IGLON5: variants seen among roughly 807,000 people sequenced by gnomAD.
IGLON5 encodes Ig-like domain-containing protein ENSP00000270642.
Under a neutral mutation model 38.2 loss-of-function variants are expected in IGLON5, and 16 were observed. The observed-to-expected ratio is 0.42, with a 90% CI of 0.28 to 0.64. IGLON5 has a LOEUF of 0.64. Among genes scored for constraint, IGLON5 ranks in the 30% least tolerant of loss-of-function variants. The pLI is 0.23. For missense variants in IGLON5, 366 were observed against 483.4 expected (o/e 0.76, Z 2.28); for synonymous variants, 207 against 216.4 (o/e 0.96, Z 0.38).
chr19:51,317,861 G>A lies in IGLON5; in HGVS notation c.80-4203G>A, dbSNP rs80254945. On this transcript the variant is annotated intron_variant, in intron 1 of 7. Coordinates refer to ENST00000270642, the MANE Select transcript of IGLON5 (RefSeq NM_001101372.3). ...TTCACCTTGTACAGTTGGAGAAACT[G>A]AAGCTCACACTGGCCAGGAGTGGGG... is the stretch of plus-strand genomic sequence containing the variant. Among the ~76,000 whole-genome samples the A allele has an allele frequency of 4.4e-3, 663 of 152,338 alleles. 5 individuals carry two copies. Among genetic ancestry groups the A allele is most frequent in the African/African-American group, 0.015 (610 of 41,572 alleles).
At position 51,329,172 on chromosome 19, in the gene IGLON5, C is replaced by G. The variant is rs1448304075; in HGVS notation, c.*413C>G. 6.2e-6 allele frequency: 1 copy of G among 160,560 alleles called. No individual in the cohort carries two copies. Among genetic ancestry groups the G allele is most frequent in the Non-Finnish European group, 1.4e-5 (1 of 73,430 alleles). The allele number at this position is 160,560 out of a possible 1,614,324, so 9.9% of individuals were successfully genotyped here. The stretch of plus-strand genomic sequence containing the variant: ...GGGGGAAGGGACTCAGCCGTCCTCC[C>G]GCCCCCAAAACCCCCATGTCCACTG... On this transcript the variant is annotated 3_prime_UTR_variant, in exon 8 of 8. Coordinates refer to ENST00000270642, the MANE Select transcript of IGLON5 (RefSeq NM_001101372.3). The surrounding 1 kb of genome is among the most constrained non-coding windows in gnomAD (Gnocchi z 4.3).
At chr19:51,320,913 A>G (rs889444858) in intron 1 of IGLON5, among the ~76,000 whole-genome samples, 5 of 152,108 alleles carry the variant, frequency 3.3e-5, no homozygotes, top group South Asian at 2.1e-4. Context: ...TCACGTATAT[A>G]TGTGTGTTTC....
intron 1 of IGLON5, among the ~76,000 whole-genome samples, chr19:51,317,995 T>C (rs1984963372): frequency 6.6e-6 from 1 of 152,112 alleles, no homozygotes; most frequent in Admixed American, 6.5e-5. Flanking sequence ...CCACAAACAC[T>C]TCCCAGTTCT....
Position 51,327,625 on chromosome 19 carries a change from G to T in IGLON5, c.768-107G>T. ...TAGAACCCGAGGCGATGGGTCACTGGGGTAGGGGGCAGAATGCTGGGTCAC... is the reference window on the plus strand; with the variant it reads ...TAGAACCCGAGGCGATGGGTCACTGTGGTAGGGGGCAGAATGCTGGGTCAC... On this transcript the variant is annotated intron_variant, in intron 6 of 7. Coordinates refer to ENST00000270642, the MANE Select transcript of IGLON5 (RefSeq NM_001101372.3). This position sits in a 1 kb window ranked among gnomAD's most constrained non-coding sequence, Gnocchi z 7.1. 2.0e-6 allele frequency: 3 copies of T among 1,471,724 alleles called. No homozygotes were observed. Among genetic ancestry groups the T allele is most frequent in the Non-Finnish European group, 2.7e-6 (3 of 1,102,148 alleles). The allele number at this position is 1,471,724 out of a possible 1,614,324, so 91.2% of individuals were successfully genotyped here.
At chr19:51,317,497 C>G (rs1333801331) in intron 1 of IGLON5, among the ~76,000 whole-genome samples, 1 of 152,196 alleles carries the variant, frequency 6.6e-6, no homozygotes, top group Non-Finnish European at 1.5e-5. Flanking sequence ...TTGAACCCAG[C>G]TGCCTGGCAG....
chr19:51,315,033 C>A (rs933554941), intron 1 of IGLON5, among the ~76,000 whole-genome samples: 6 of 152,296 alleles, frequency 3.9e-5, no homozygotes, highest in African/African-American at 1.4e-4. Flanking sequence ...TCTCTGCAAT[C>A]GGCCTTTTCC....
Position 51,325,449 on chromosome 19 carries a change from C to G in IGLON5, c.495C>G (p.Thr165=), listed in dbSNP as rs1350464957. Residue 165 remains threonine (T), a synonymous_variant, in exon 4 of 8, where the codon ACC becomes ACG. Transcript: ENST00000270642. The surrounding 1 kb of genome is among the most constrained non-coding windows in gnomAD (Gnocchi z 5.5). ...TGGGGCGGCCAGAGCCCACGGTCAC[C>G]TGGAGACAGCTCCGAGGTGAGGACC... ...LAVGRPEPTV[T]WRQLRDGFTS... The G allele has an allele frequency of 6.2e-7, 1 of 1,613,146 alleles. No individual in the cohort carries two copies. Among genetic ancestry groups the G allele is most frequent in the South Asian group, 1.1e-5 (1 of 90,974 alleles).
intron 2 of IGLON5, 98 bp from the exon 3 acceptor site, chr19:51,323,563 TG>T: frequency 2.1e-6 from 2 of 945,614 alleles, no homozygotes; most frequent in Non-Finnish European, 3.2e-6. Flanking sequence ...TGGTGGGACC[TG>T]GAGATGCGGT....
chr19:51,326,219 C>T, intron 4 of IGLON5, among the ~76,000 whole-genome samples: 1 of 152,002 alleles, frequency 6.6e-6, no homozygotes, highest in East Asian at 1.9e-4. Context: ...CATCTGAGCC[C>T]CATGAGCCTG....
At chr19:51,319,882 G>A (rs1476178700) in intron 1 of IGLON5, among the ~76,000 whole-genome samples, 1 of 152,028 alleles carries the variant, frequency 6.6e-6, no homozygotes, top group East Asian at 1.9e-4. Flanking sequence ...GATTGTATGT[G>A]TTTGTGTGTG....
rs1345516679 is a variant in IGLON5, at chr19:51,329,560, A to G, written c.*801A>G. The G allele has an allele frequency of 2.6e-5, 4 of 152,266 alleles. No homozygotes were observed. The highest frequency in any genetic ancestry group is 4.4e-5 in the Non-Finnish European group (3 of 68,108). The allele number at this position is 152,266 out of a possible 1,614,324, so 9.4% of individuals were successfully genotyped here. On this transcript the variant is annotated 3_prime_UTR_variant, in exon 8 of 8. Transcript: ENST00000270642. This position sits in a 1 kb window ranked among gnomAD's most constrained non-coding sequence, Gnocchi z 4.3. The stretch of plus-strand genomic sequence containing the variant: ...GATTTTCTGGCCCCCTCCTGGGCCA[A>G]TCGGTGCTTCCATCCAACTGTCAGA...
intron 1 of IGLON5, among the ~76,000 whole-genome samples, chr19:51,313,647 TTTTCTTTC>T (rs1555750477): frequency 0.012 from 1,391 of 116,240 alleles, 17 homozygotes; most frequent in Middle Eastern, 0.036. Flanking sequence ...CTCTCTCTCT[TTTTCTTTC>T]TTTCTTTCTT....
chr19:51,329,815 T>G lies in IGLON5; in HGVS notation c.*1056T>G, dbSNP rs200629328. The G allele has an allele frequency of 7.2e-6, 1 of 138,218 alleles. No individual in the cohort carries two copies. The highest frequency in any genetic ancestry group is 2.2e-4 in the South Asian group (1 of 4,474). The allele number at this position is 138,218 out of a possible 1,614,324, so 8.6% of individuals were successfully genotyped here. On this transcript the variant is annotated 3_prime_UTR_variant, in exon 8 of 8. Coordinates refer to ENST00000270642, the MANE Select transcript of IGLON5 (RefSeq NM_001101372.3). This position sits in a 1 kb window ranked among gnomAD's most constrained non-coding sequence, Gnocchi z 4.3. ...GACACTCAGACGCACCACACACACA[T>G]ACACACACACAGACACACACACACA... is the stretch of plus-strand genomic sequence containing the variant.
intron 1 of IGLON5, among the ~76,000 whole-genome samples, chr19:51,319,102 C>A (rs922710043): frequency 6.6e-6 from 1 of 152,146 alleles, no homozygotes; most frequent in East Asian, 1.9e-4. Flanking sequence ...GTTTAGGAAC[C>A]CTGGCCCAGA....
In IGLON5 at chr19:51,330,430, C is replaced by G. The variant is rs1043540520; in HGVS notation, c.*1671C>G. 4 of 152,212 alleles carry G rather than the reference C, an allele frequency of 2.6e-5. No homozygotes were observed. The highest frequency in any genetic ancestry group is 4.4e-5 in the Non-Finnish European group (3 of 68,046). 9.4% of individuals were successfully genotyped at this position (152,212 alleles called of 1,614,324 possible). A position where few individuals can be genotyped will look rare whatever the true frequency, so the allele number is the denominator to read the frequency against. On this transcript the variant is annotated 3_prime_UTR_variant, in exon 8 of 8. Transcript: ENST00000270642. The stretch of plus-strand genomic sequence containing the variant: ...AAGGGTAGCAGTCAATTGGTGGTGC[C>G]TCTCCAGCATCATTCCTACCGCCTA...
At position 51,327,619 on chromosome 19, in the gene IGLON5, T is replaced by A. The variant is rs912462323; in HGVS notation, c.768-113T>A. Reference sequence around the variant, plus strand: ...AGGTGCTAGAACCCGAGGCGATGGGTCACTGGGGTAGGGGGCAGAATGCTG... The same window carrying A: ...AGGTGCTAGAACCCGAGGCGATGGGACACTGGGGTAGGGGGCAGAATGCTG... On this transcript the variant is annotated intron_variant, in intron 6 of 7. Coordinates refer to ENST00000270642, the MANE Select transcript of IGLON5 (RefSeq NM_001101372.3). The surrounding 1 kb of genome is among the most constrained non-coding windows in gnomAD (Gnocchi z 7.1). 1.5e-5 allele frequency: 22 copies of A among 1,433,178 alleles called. No individual in the cohort carries two copies. Among genetic ancestry groups the A allele is most frequent in the East Asian group, 7.5e-5 (3 of 39,998 alleles). 88.8% of individuals were successfully genotyped at this position (1,433,178 alleles called of 1,614,324 possible). A position where few individuals can be genotyped will look rare whatever the true frequency, so the allele number is the denominator to read the frequency against.
chr19:51,311,844 C>G lies in IGLON5; in HGVS notation c.-4C>G. 2 of 1,254,606 alleles carry G rather than the reference C, an allele frequency of 1.6e-6. No homozygotes were observed. The highest frequency in any genetic ancestry group is 2.0e-6 in the Non-Finnish European group (2 of 993,462). 77.7% of individuals were successfully genotyped at this position (1,254,606 alleles called of 1,614,324 possible). ...CCCTCCCCCTCCGCGCCGCCTCTGC[C>G]GCGATGCCCCCCCCTGCGCCCGGGG... On this transcript the variant is annotated 5_prime_UTR_variant, in exon 1 of 8. Transcript: ENST00000270642.
At position 51,327,258 on chromosome 19, in the gene IGLON5, G is replaced by T. The variant is rs912505269; in HGVS notation, c.767+58G>T. ...GGAAGGGGAGGTCTTTAGTCCCTTC[G>T]ATTGTGAGGCAGGGGGACGGAGCGG... On this transcript the variant is annotated intron_variant, in intron 6 of 7. Coordinates refer to ENST00000270642, the MANE Select transcript of IGLON5 (RefSeq NM_001101372.3). This position sits in a 1 kb window ranked among gnomAD's most constrained non-coding sequence, Gnocchi z 7.1. 6.4e-7 allele frequency: 1 copy of T among 1,566,018 alleles called. No individual in the cohort carries two copies.
chr19:51,328,006 A>G, intron 7 of IGLON5, 120 bp downstream of exon 7: 1 of 1,064,786 alleles, frequency 9.4e-7, no homozygotes, highest in Non-Finnish European at 1.3e-6. Flanking sequence ...GGACGCTGAG[A>G]CTGAAAAGCA....
Sources: allele counts gnomAD v4.1 joint callset (sites outside exome capture counted in the v4.1 genomes callset), GRCh38; gene constraint gnomAD v4.1.1; non-coding constraint Gnocchi (gnomAD v3.1); transcripts MANE v1.5; gene names NCBI Gene and HGNC (gene_info 2026-07-23, HGNC 2026-07-21).